Variants in ZNF514 observed in about 807,000 individuals in gnomAD.
ZNF514 encodes zinc finger protein 514.
In ZNF514, 12 loss-of-function variants were observed where a neutral mutation model predicts 9.7. The observed-to-expected ratio is 1.24, with a 90% CI of 0.79 to 2.01. The LOEUF is 2.01. Ranked by LOEUF, ZNF514 falls within the 30% of genes most tolerant of loss-of-function variation. The pLI is 0.00. For synonymous variants in ZNF514, 158 were observed against 163.7 expected (o/e 0.97, Z 0.27); for missense variants, 467 against 465.5 (o/e 1.00, Z -0.03).
chr2:95,141,080 T>C (rs1343901302), downstream of ZNF514, among the ~76,000 whole-genome samples: 1 of 151,778 alleles, frequency 6.6e-6, no homozygotes, highest in Non-Finnish European at 1.5e-5. Context: ...ATACATTGGG[T>C]ACAGTATATA....
chr2:95,154,579 G>A lies in ZNF514; in HGVS notation c.-6-1320C>T, dbSNP rs535092358. On this transcript the variant is annotated intron_variant, in intron 2 of 4. Coordinates refer to ENST00000295208, the MANE Select transcript of ZNF514 (RefSeq NM_032788.3). ...TGAAAGCATGAGCTTGTGATGTTAT[G>A]AGAAGAGGCTGGAAACATAACATTA... The A allele has an allele frequency of 2.0e-5, 3 of 152,354 alleles. No individual in the cohort carries two copies. In the South Asian group the frequency reaches 6.2e-4, roughly 32 times the overall value. The allele number at this position is 152,354 out of a possible 1,614,324, so 9.4% of individuals were successfully genotyped here.
intron 1 of ZNF514, 145 bp from the exon 2 acceptor site, chr2:95,157,584 C>G (rs879699180): frequency 5.0e-6 from 2 of 397,784 alleles, no homozygotes; most frequent in Admixed American, 6.5e-5. Flanking sequence ...ATCTGAGAGG[C>G]AGCTTCTAGC....
rs745570061 is a variant in ZNF514, at chr2:95,149,334, G to A, written c.1151C>T (p.Thr384Ile). The A allele has an allele frequency of 1.1e-5, 17 of 1,609,288 alleles. No homozygotes were observed. The highest frequency in any genetic ancestry group is 1.4e-5 in the Non-Finnish European group (16 of 1,176,848). ...CNECGRAFAH[T>I]ASLIKHQRSH... is the part of the protein sequence containing the mutation. Reference sequence around the variant, plus strand: ...TCTCTGATGTTTAATAAGGGATGCAGTATGAGCAAAGGCCCTTCCACACTC... The same window carrying A: ...TCTCTGATGTTTAATAAGGGATGCAATATGAGCAAAGGCCCTTCCACACTC... The change falls in exon 5 of 5, where the codon ACT (threonine) becomes ATT (isoleucine). Residue 384 changes from threonine (T) to isoleucine (I), a missense_variant. Coordinates refer to ENST00000295208, the MANE Select transcript of ZNF514 (RefSeq NM_032788.3).
the ZNF514 span, among the ~76,000 whole-genome samples, chr2:95,139,565 C>A: frequency 1.2e-4 from 18 of 151,860 alleles, no homozygotes; most frequent in Admixed American, 5.9e-4. Context: ...TTACCCAATG[C>A]CTATACACCC....
downstream of ZNF514, among the ~76,000 whole-genome samples, chr2:95,144,990 G>C (rs1407895859): frequency 1.3e-5 from 2 of 152,240 alleles, no homozygotes; most frequent in Middle Eastern, 3.4e-3. Flanking sequence ...AATAACTACA[G>C]TAAGCAATAT....
intron 2 of ZNF514, among the ~76,000 whole-genome samples, chr2:95,156,847 AC>A (rs1029017592): frequency 2.0e-5 from 3 of 152,066 alleles, no homozygotes; most frequent in African/African-American, 7.3e-5. Context: ...CTGAACAGGG[AC>A]CCAGCTTCAA....
At chr2:95,132,372 G>A in the ZNF514 span, among the ~76,000 whole-genome samples, 1 of 151,992 alleles carries the variant, frequency 6.6e-6, no homozygotes, top group Non-Finnish European at 1.5e-5. Context: ...ATGAAAAGAT[G>A]TCCCACCATA....
chr2:95,134,671 T>C, the ZNF514 span, among the ~76,000 whole-genome samples: 1 of 152,216 alleles, frequency 6.6e-6, no homozygotes, highest in Non-Finnish European at 1.5e-5. Flanking sequence ...AAACCACTAA[T>C]TTAACTAAGA....
chr2:95,147,536 C>G lies in ZNF514; in HGVS notation c.*1746G>C, dbSNP rs566613392. 6.6e-6 allele frequency: 1 copy of G among 152,056 alleles called. No individual in the cohort carries two copies. Among genetic ancestry groups the G allele is most frequent in the Non-Finnish European group, 1.5e-5 (1 of 68,022 alleles). The allele number at this position is 152,056 out of a possible 1,614,324, so 9.4% of individuals were successfully genotyped here. On this transcript the variant is annotated 3_prime_UTR_variant, in exon 5 of 5. Coordinates refer to ENST00000295208, the MANE Select transcript of ZNF514 (RefSeq NM_032788.3). ...AAGATCTGCCATTTCTGGACATTTC[C>G]TAAAATGGTACTAGAAAATACCTGG...
At position 95,149,701 on chromosome 2, in the gene ZNF514, A is replaced by T. The variant is rs763560450; in HGVS notation, c.784T>A (p.Cys262Ser). 3.7e-6 allele frequency: 6 copies of T among 1,614,240 alleles called. No homozygotes were observed. Among genetic ancestry groups the T allele is most frequent in the Non-Finnish European group, 5.1e-6 (6 of 1,180,034 alleles). The stretch of plus-strand genomic sequence containing the variant: ...CTGAAGGCTCTCCCACATTCACTGC[A>T]TTCATAGGGCTTTTCTCCAGTATGA... ...RTHTGEKPYE[C>S]SECGRAFSQS... Residue 262 changes from cysteine (C) to serine (S), a missense_variant, in exon 5 of 5, where the codon TGC (cysteine) becomes AGC (serine). By Grantham distance (112) the Cys-to-Ser change is moderately radical. Transcript: ENST00000295208.
Position 95,148,437 on chromosome 2 carries a change from G to A in ZNF514, c.*845C>T, listed in dbSNP as rs1367849916. 2 of 152,220 alleles carry A rather than the reference G, an allele frequency of 1.3e-5. No homozygotes were observed. Among genetic ancestry groups the A allele is most frequent in the Non-Finnish European group, 2.9e-5 (2 of 68,030 alleles). 9.4% of individuals were successfully genotyped at this position (152,220 alleles called of 1,614,324 possible). ...TCAGCTCTAGTTTTATACATCTCAA[G>A]TTGGAAAGGAACTTTCCTCACATTC... is the stretch of plus-strand genomic sequence containing the variant. On this transcript the variant is annotated 3_prime_UTR_variant, in exon 5 of 5. Coordinates refer to ENST00000295208, the MANE Select transcript of ZNF514 (RefSeq NM_032788.3).
rs934086989 is a variant in ZNF514, at chr2:95,145,045, A to G, written c.*4237T>C. Among the ~76,000 whole-genome samples, 2 of 152,350 alleles carry G rather than the reference A, an allele frequency of 1.3e-5. No individual in the cohort carries two copies. Among genetic ancestry groups the G allele is most frequent in the Middle Eastern group, 3.4e-3 (1 of 294 alleles). On this transcript the variant is annotated 3_prime_UTR_variant, in exon 5 of 5. Transcript: ENST00000295208. ...ATTTAATTGGTAGTCTTCTAGAAAG[A>G]AGGCTTTTCATATAGTACAAAAACA...
chr2:95,155,400 C>T (rs995019112), intron 2 of ZNF514: 3 of 152,246 alleles, frequency 2.0e-5, no homozygotes, highest in Non-Finnish European at 2.9e-5. Context: ...GTTATGGACC[C>T]GGGACTGACT....
the ZNF514 span, among the ~76,000 whole-genome samples, chr2:95,127,655 T>C: frequency 1.3e-5 from 2 of 152,226 alleles, no homozygotes; most frequent in African/African-American, 4.8e-5. Context: ...TTTGCTCTTA[T>C]TGCCCAGGCT....
chr2:95,136,790 A>G, the ZNF514 span, among the ~76,000 whole-genome samples: 2 of 152,208 alleles, frequency 1.3e-5, no homozygotes, highest in East Asian at 3.8e-4. Context: ...GTTATTAAGC[A>G]GGATAAGCTA....
chr2:95,143,245 G>A (rs913861939), downstream of ZNF514, among the ~76,000 whole-genome samples: 1 of 152,198 alleles, frequency 6.6e-6, no homozygotes, highest in Non-Finnish European at 1.5e-5. Flanking sequence ...GGAAGTCCTT[G>A]ACAGTCTTAG....
At chr2:95,124,090 G>A in the ZNF514 span, among the ~76,000 whole-genome samples, 1 of 152,062 alleles carries the variant, frequency 6.6e-6, no homozygotes, top group Non-Finnish European at 1.5e-5. Flanking sequence ...GTAGTTCTAT[G>A]CAGTTGTGTC....
the ZNF514 span, among the ~76,000 whole-genome samples, chr2:95,133,386 G>C: frequency 1.8e-4 from 28 of 152,174 alleles, no homozygotes; most frequent in African/African-American, 6.3e-4. Flanking sequence ...ATACTGCATG[G>C]CTTAATTTAC....
intron 1 of ZNF514, among the ~76,000 whole-genome samples, chr2:95,157,640 T>C: frequency 6.6e-6 from 1 of 151,988 alleles, no homozygotes; most frequent in East Asian, 1.9e-4. Flanking sequence ...TGCATGAGGC[T>C]CCCACCTGTC....
Sources: allele counts gnomAD v4.1 joint callset (sites outside exome capture counted in the v4.1 genomes callset), GRCh38; gene constraint gnomAD v4.1.1; transcripts MANE v1.5; gene names NCBI Gene and HGNC (gene_info 2026-07-23, HGNC 2026-07-21).